COL28A1: variants seen among roughly 807,000 people sequenced by gnomAD.
The protein encoded by COL28A1 is collagen alpha-1(XXVIII) chain.
Under a neutral mutation model 150.2 loss-of-function variants are expected in COL28A1, and 161 were observed. The ratio of observed to expected loss-of-function variants is 1.07; its 90% CI spans 0.94 to 1.22. The LOEUF is 1.22. Ranked by LOEUF, COL28A1 falls within the 50% of genes most tolerant of loss-of-function variation. The pLI is 0.00. For missense variants in COL28A1, 1,617 were observed against 1,388.3 expected, an observed-to-expected ratio of 1.16 and a Z score of -2.62; for synonymous variants, 552 against 469.7, an observed-to-expected ratio of 1.18 and a Z score of -2.26.
intron 32 of COL28A1, among the ~76,000 whole-genome samples, chr7:7,372,604 C>T (rs1781295991): frequency 6.6e-6 from 1 of 151,906 alleles, no homozygotes. Flanking sequence ...GCAGGTACTT[C>T]TTAATTCATT....
intron 18 of COL28A1, among the ~76,000 whole-genome samples, chr7:7,444,705 T>C (rs894512643): frequency 2.0e-5 from 3 of 152,162 alleles, no homozygotes; most frequent in Admixed American, 6.5e-5. Context: ...CAAAAAGATA[T>C]GTTGACATCC....
chr7:7,383,414 G>C (rs978159262), intron 27 of COL28A1, among the ~76,000 whole-genome samples: 1 of 151,592 alleles, frequency 6.6e-6, no homozygotes, highest in Non-Finnish European at 1.5e-5. Context: ...GAGTAGCTGG[G>C]ATTACAGGTG....
the COL28A1 span, among the ~76,000 whole-genome samples, chr7:7,343,946 C>T: frequency 6.5e-3 from 992 of 151,838 alleles, 15 homozygotes; most frequent in African/African-American, 0.023. Flanking sequence ...AGTTTGGAGG[C>T]TGCAATGTGC....
intron 21 of COL28A1, among the ~76,000 whole-genome samples, chr7:7,438,838 G>A (rs1785541007): frequency 6.6e-6 from 1 of 152,136 alleles, no homozygotes; most frequent in Admixed American, 6.5e-5. Flanking sequence ...CCCTTGTTTT[G>A]TACAGCCTTG....
Position 7,529,460 on chromosome 7 carries a change from G to A in COL28A1, c.681+1888C>T, listed in dbSNP as rs186702057. Among the ~76,000 whole-genome samples the A allele has an allele frequency of 2.1e-3, 315 of 152,254 alleles. 1 individual carries two copies. Among genetic ancestry groups the A allele is most frequent in the Middle Eastern group, 3.4e-3 (1 of 294 alleles). ...TGGTTTATTCATGGAGCTTCCATCTGAACAAACAAGCTGAAATCACAGATG... is the reference window on the plus strand; with the variant it reads ...TGGTTTATTCATGGAGCTTCCATCTAAACAAACAAGCTGAAATCACAGATG... On this transcript the variant is annotated intron_variant, in intron 3 of 34. Coordinates refer to ENST00000399429, the MANE Select transcript of COL28A1 (RefSeq NM_001037763.3).
intron 15 of COL28A1, among the ~76,000 whole-genome samples, chr7:7,463,858 T>A (rs920479501): frequency 4.6e-5 from 7 of 152,146 alleles, no homozygotes; most frequent in Non-Finnish European, 7.4e-5. Flanking sequence ...TCACTTAAAA[T>A]ACATAGAATT....
chr7:7,461,290 G>A (rs996599011), intron 15 of COL28A1, among the ~76,000 whole-genome samples: 1 of 152,210 alleles, frequency 6.6e-6, no homozygotes, highest in African/African-American at 2.4e-5. Flanking sequence ...TGGGGTCCTT[G>A]AGGATGGCTG....
intron 22 of COL28A1, among the ~76,000 whole-genome samples, chr7:7,437,066 G>C (rs1023996198): frequency 1.3e-5 from 2 of 152,074 alleles, no homozygotes; most frequent in Admixed American, 6.5e-5. Flanking sequence ...AACCTGAGTG[G>C]ATATCTCTTC....
At position 7,517,823 on chromosome 7, in the gene COL28A1, T is replaced by G. The variant is rs373074184; in HGVS notation, c.828A>C (p.Lys276Asn). ...CTGGACCTCTTTCTCCAGCTTCTCCTTTTTGAGCGTTGCCCTGTGACAAAC... is the reference window on the plus strand; with the variant it reads ...CTGGACCTCTTTCTCCAGCTTCTCCGTTTTGAGCGTTGCCCTGTGACAAAC... ...GPKGNPGNAQKGEAGERGPGG... is the reference protein window; with the variant it reads ...GPKGNPGNAQNGEAGERGPGG... Residue 276 changes from lysine (K) to asparagine (N), a missense_variant, in exon 7 of 35, where the codon AAA (lysine) becomes AAC (asparagine). Coordinates refer to ENST00000399429, the MANE Select transcript of COL28A1 (RefSeq NM_001037763.3). The G allele has an allele frequency of 6.2e-7, 1 of 1,613,594 alleles. No homozygotes were observed. Among genetic ancestry groups the G allele is most frequent in the East Asian group, 2.2e-5 (1 of 44,878 alleles).
intron 27 of COL28A1, among the ~76,000 whole-genome samples, chr7:7,410,549 G>A (rs902113345): frequency 2.6e-5 from 4 of 152,056 alleles, no homozygotes; most frequent in Non-Finnish European, 5.9e-5. Context: ...ATGCTATGCC[G>A]TTAAGTGGAT....
chr7:7,431,904 G>A (rs191124599), intron 25 of COL28A1, among the ~76,000 whole-genome samples: 31 of 152,324 alleles, frequency 2.0e-4, no homozygotes. Context: ...ACTAGGTGTG[G>A]AGGAAGGAGA....
intron 27 of COL28A1, among the ~76,000 whole-genome samples, chr7:7,416,689 C>T (rs187179822): frequency 3.9e-5 from 6 of 152,232 alleles, no homozygotes; most frequent in East Asian, 1.9e-4. Context: ...ATACTCAGCC[C>T]GAGAGATGAA....
chr7:7,443,980 TCTG>T (rs1243451780), intron 19 of COL28A1, among the ~76,000 whole-genome samples: 3 of 144,132 alleles, frequency 2.1e-5, no homozygotes, highest in Non-Finnish European at 4.5e-5. Flanking sequence ...AGCCTTTCCA[TCTG>T]CTGTTTTTTT....
intron 27 of COL28A1, among the ~76,000 whole-genome samples, chr7:7,401,405 TC>T (rs1375440236): frequency 2.0e-5 from 3 of 152,144 alleles, no homozygotes; most frequent in Non-Finnish European, 4.4e-5. Flanking sequence ...CAGATTTCTA[TC>T]CCCAAATACC....
chr7:7,455,129 G>A (rs1214356039), intron 16 of COL28A1, among the ~76,000 whole-genome samples: 1 of 152,062 alleles, frequency 6.6e-6, no homozygotes, highest in African/African-American at 2.4e-5. Context: ...CACTACCCTA[G>A]ATACAGAAAC....
chr7:7,363,326 T>G (rs1780766866), intron 33 of COL28A1, among the ~76,000 whole-genome samples: 1 of 152,098 alleles, frequency 6.6e-6, no homozygotes, highest in Admixed American at 6.5e-5. Flanking sequence ...CTTAGGAATG[T>G]GTGTTTCCAT....
intron 3 of COL28A1, among the ~76,000 whole-genome samples, chr7:7,529,831 C>G (rs1451450508): frequency 6.6e-6 from 1 of 152,190 alleles, no homozygotes; most frequent in Non-Finnish European, 1.5e-5. Context: ...GTGGTGAGGA[C>G]CCCTTAAGTC....
intron 8 of COL28A1, among the ~76,000 whole-genome samples, 196 bp from the exon 9 acceptor site, chr7:7,511,331 C>G (rs901657314): frequency 6.6e-6 from 1 of 152,030 alleles, no homozygotes; most frequent in Non-Finnish European, 1.5e-5. Context: ...AAGAGTCATC[C>G]TTAACTTGAC....
At chr7:7,492,718 CA>C (rs1333751111) in intron 11 of COL28A1, among the ~76,000 whole-genome samples, 1 of 149,044 alleles carries the variant, frequency 6.7e-6, no homozygotes, top group African/African-American at 2.5e-5. Flanking sequence ...TGATTTAAAA[CA>C]AAGGAATCCT....
Sources: gnomAD v4.1 joint callset for allele counts (sites outside exome capture counted in the v4.1 genomes callset) on GRCh38, gnomAD v4.1.1 for gene constraint, MANE v1.5 for transcripts, NCBI Gene and HGNC (gene_info 2026-07-23, HGNC 2026-07-21) for gene names.